Variants in TRIM37 observed in about 807,000 individuals in gnomAD.
TRIM37 encodes the protein E3 ubiquitin-protein ligase TRIM37.
In TRIM37, 80 loss-of-function variants were observed where a neutral mutation model predicts 129.8. The observed-to-expected ratio is 0.62, with a 90% confidence interval of 0.51 to 0.74. TRIM37 has a LOEUF of 0.74. Ranked by LOEUF, TRIM37 falls within the 30% of genes least tolerant of loss-of-function variation. The pLI is 0.00. For synonymous variants in TRIM37, 389 were observed against 387.1 expected (o/e 1.00, Z -0.06); for missense variants, 1,054 against 1,176.5 (o/e 0.90, Z 1.52).
Position 59,014,307 on chromosome 17 carries a change from G to A in TRIM37, c.2576+1303C>T, listed in dbSNP as rs60893269. Among the ~76,000 whole-genome samples, 1,482 of 152,188 alleles carry A rather than the reference G, an allele frequency of 9.7e-3. 28 individuals are homozygous for A. Among genetic ancestry groups the A allele is most frequent in the African/African-American group, 0.033 (1,371 of 41,510 alleles). ...CAATTTAGGTAAAATTCTTTTCAGGGTCTCCAAAATAGAACTATTTCATTG... is the reference window on the plus strand; with the variant it reads ...CAATTTAGGTAAAATTCTTTTCAGGATCTCCAAAATAGAACTATTTCATTG... On this transcript the variant is annotated intron_variant, in intron 21 of 23. Transcript: ENST00000262294.
Position 59,051,309 on chromosome 17 carries a change from TTGG to T in TRIM37, c.1216_1218del (p.Pro406del). ...TGGTCCCGGGATTTTTGAAAGAAAG[TTGG>T]TGAACGTACCTGAAACCTTAAAAGA... is the stretch of plus-strand genomic sequence containing the variant. On this transcript the variant is annotated inframe_deletion, in exon 14 of 24. Coordinates refer to ENST00000262294, the MANE Select transcript of TRIM37 (RefSeq NM_015294.6). 6.2e-7 allele frequency: 1 copy of T among 1,613,274 alleles called. No individual in the cohort carries two copies. The highest frequency in any genetic ancestry group is 1.1e-5 in the South Asian group (1 of 91,060).
downstream of TRIM37, among the ~76,000 whole-genome samples, chr17:58,996,441 G>T (rs2033003498): frequency 6.7e-6 from 1 of 148,594 alleles, no homozygotes; most frequent in Non-Finnish European, 1.5e-5. Context: ...CTGCACTCCA[G>T]CCTGGCCGAC....
chr17:59,015,870 T>C (rs1423804795), intron 20 of TRIM37, 71 bp from the exon 21 acceptor site: 5 of 1,481,780 alleles, frequency 3.4e-6, no homozygotes, highest in Non-Finnish European at 3.7e-6. Flanking sequence ...TCCCAGCTAC[T>C]TGGGAGGTTG....
At chr17:59,005,805 A>G (rs1365263278) in intron 22 of TRIM37, among the ~76,000 whole-genome samples, 1 of 152,146 alleles carries the variant, frequency 6.6e-6, no homozygotes, top group Non-Finnish European at 1.5e-5. Flanking sequence ...ACACCAATCA[A>G]TTTTTATTAA....
intron 12 of TRIM37, 41 bp downstream of exon 12, chr17:59,060,991 G>A (rs1483600114): frequency 5.4e-6 from 8 of 1,488,940 alleles, no homozygotes; most frequent in Admixed American, 3.4e-5. Context: ...GGGAAGGTAT[G>A]TAAATGCACA....
At chr17:59,076,353 C>T (rs2042812867) in intron 7 of TRIM37, among the ~76,000 whole-genome samples, 1 of 152,200 alleles carries the variant, frequency 6.6e-6, no homozygotes, top group Admixed American at 6.5e-5. Flanking sequence ...CCAGCCTAGG[C>T]AACATGGTGA....
chr17:59,008,405 A>C (rs935982100), intron 22 of TRIM37, among the ~76,000 whole-genome samples: 3 of 152,246 alleles, frequency 2.0e-5, no homozygotes, highest in African/African-American at 7.2e-5. Context: ...CCATTCTTTC[A>C]AAGACTTGGA....
chr17:59,032,291 C>T (rs943358865), intron 17 of TRIM37, among the ~76,000 whole-genome samples: 4 of 150,524 alleles, frequency 2.7e-5, no homozygotes, highest in Non-Finnish European at 5.9e-5. Context: ...TTTGGGAGGC[C>T]GAGGCGGGTG....
At chr17:59,014,713 T>C (rs936472996) in intron 21 of TRIM37, among the ~76,000 whole-genome samples, 1 of 140,432 alleles carries the variant, frequency 7.1e-6, no homozygotes, top group African/African-American at 2.7e-5. Context: ...TAGGATAGAC[T>C]GAAAAAAAAA....
At chr17:58,992,341 AT>A (rs398031216) in intron 24 of TRIM37, among the ~76,000 whole-genome samples, 10 of 147,124 alleles carry the variant, frequency 6.8e-5, no homozygotes, top group African/African-American at 9.9e-5. Flanking sequence ...ATATATATAT[AT>A]AAATACAGAG....
Position 59,064,407 on chromosome 17 carries a change from TAAA to T in TRIM37, c.810-5_810-3del, listed in dbSNP as rs367700401. The T allele has an allele frequency of 4.0e-6, 5 of 1,258,282 alleles. No homozygotes were observed. Among genetic ancestry groups the T allele is most frequent in the South Asian group, 1.4e-5 (1 of 69,320 alleles). 77.9% of individuals were successfully genotyped at this position (1,258,282 alleles called of 1,614,324 possible). A position where few individuals can be genotyped will look rare whatever the true frequency, so the allele number is the denominator to read the frequency against. ...GAATCGTAAGATGGCACTAATTCAC[TAAA>T]AAAAAAAAGGCAAAAAAAATTATTT... On this transcript the variant is annotated splice_polypyrimidine_tract_variant and splice_region_variant and intron_variant, in intron 9 of 23. Coordinates refer to ENST00000262294, the MANE Select transcript of TRIM37 (RefSeq NM_015294.6).
At chr17:58,990,210 G>C (rs1022846634) in intron 24 of TRIM37, among the ~76,000 whole-genome samples, 4 of 121,764 alleles carry the variant, frequency 3.3e-5, no homozygotes. Context: ...AAAAAAAAAG[G>C]CTAGGCATGG....
chr17:59,104,393 C>G lies in TRIM37; in HGVS notation c.23G>C (p.Ser8Thr), dbSNP rs374747161. 4 of 1,613,910 alleles carry G rather than the reference C, an allele frequency of 2.5e-6. No individual in the cohort carries two copies. The highest frequency in any genetic ancestry group is 2.5e-6 in the Non-Finnish European group (3 of 1,179,894). ...GAAACATCGGAAAACCTCAGCAATG[C>G]TCTGAAAACAGTAAAAGATGTAAGG... MDEQSVE[S>T]IAEVFRCFIC... The change falls in exon 2 of 24, where the codon AGC becomes ACC. Residue 8 changes from serine (S) to threonine (T), a missense_variant and splice_region_variant. Ser to Thr is a moderately conservative substitution (Grantham distance 58, BLOSUM62 1). Around this residue, in one of 3 missense-constraint regions of TRIM37, gnomAD observed 752 missense variants for 870.8 expected, o/e 0.86. Coordinates refer to ENST00000262294, the MANE Select transcript of TRIM37 (RefSeq NM_015294.6).
chr17:59,094,786 A>C (rs146945657), intron 2 of TRIM37, among the ~76,000 whole-genome samples: 222 of 152,334 alleles, frequency 1.5e-3, no homozygotes, highest in African/African-American at 5.2e-3. Context: ...CAAAACAAAA[A>C]AAAACCTCTT....
intron 2 of TRIM37, among the ~76,000 whole-genome samples, chr17:59,102,064 A>G (rs1020877376): frequency 1.3e-5 from 2 of 152,210 alleles, no homozygotes; most frequent in African/African-American, 4.8e-5. Flanking sequence ...GAATAATCTG[A>G]TCTTGAACAA....
At chr17:59,030,386 C>T (rs1322938371) in intron 18 of TRIM37, among the ~76,000 whole-genome samples, 1 of 152,208 alleles carries the variant, frequency 6.6e-6, no homozygotes, top group East Asian at 1.9e-4. Context: ...AGATTACAGG[C>T]GTGAGCCACT....
intron 1 of TRIM37, among the ~76,000 whole-genome samples, chr17:59,106,173 C>A (rs1371383442): frequency 1.3e-5 from 2 of 152,182 alleles, no homozygotes; most frequent in Non-Finnish European, 2.9e-5. Flanking sequence ...ATGCTGTTTG[C>A]AAACACCCGG....
rs191920281 is a variant in TRIM37, at chr17:59,100,019, C to G, written c.123+4274G>C. 2.9e-3 allele frequency among the ~76,000 whole-genome samples: 437 copies of G among 152,186 alleles called. 2 individuals carry two copies. The highest frequency in any genetic ancestry group is 5.0e-3 in the Non-Finnish European group (343 of 68,006). ...AGTTCTCCATGTTGGTCAAGCTGGT[C>G]TCGAACTCCCGAATTCAGGTGATCC... is the stretch of plus-strand genomic sequence containing the variant. On this transcript the variant is annotated intron_variant, in intron 2 of 23. Coordinates refer to ENST00000262294, the MANE Select transcript of TRIM37 (RefSeq NM_015294.6).
chr17:58,977,201 T>A, the TRIM37 span, among the ~76,000 whole-genome samples: 1 of 151,934 alleles, frequency 6.6e-6, no homozygotes, highest in Admixed American at 6.6e-5. Flanking sequence ...TCCCAGCACT[T>A]TGAGAAGCCC....
Sources: allele counts gnomAD v4.1 joint callset (sites outside exome capture counted in the v4.1 genomes callset), GRCh38; gene constraint gnomAD v4.1.1; regional missense constraint gnomAD v4.1.1; transcripts MANE v1.5; gene names NCBI Gene and HGNC (gene_info 2026-07-23, HGNC 2026-07-21).